DIAPH3: variants seen among roughly 807,000 people sequenced by gnomAD.
DIAPH3 encodes diaphanous related formin 3.
In DIAPH3, 117 loss-of-function variants were observed where a neutral mutation model predicts 144.3. The observed-to-expected ratio is 0.81, with a 90% CI of 0.70 to 0.95. The LOEUF is 0.95. Ranked by LOEUF, DIAPH3 falls within the 40% of genes least tolerant of loss-of-function variation. The pLI is 0.00. For synonymous variants in DIAPH3, 519 were observed against 488.9 expected, an observed-to-expected ratio of 1.06 and a Z score of -0.81; for missense variants, 1,421 against 1,412.7, an observed-to-expected ratio of 1.01 and a Z score of -0.09.
chr13:59,748,040 G>A (rs1206689429), intron 27 of DIAPH3, among the ~76,000 whole-genome samples: 3 of 152,214 alleles, frequency 2.0e-5, no homozygotes, highest in Non-Finnish European at 4.4e-5. Context: ...AATAAGATAA[G>A]TGGTTGCAGG....
At chr13:60,088,998 C>G (rs933319960) in intron 4 of DIAPH3, among the ~76,000 whole-genome samples, 5 of 152,136 alleles carry the variant, frequency 3.3e-5, no homozygotes, top group Non-Finnish European at 7.4e-5. Context: ...AGATTTAGAT[C>G]AATAAGAATC....
chr13:59,992,398 T>C (rs1338210438), intron 10 of DIAPH3, 75 bp downstream of exon 10: 1 of 1,261,694 alleles, frequency 7.9e-7, no homozygotes, highest in Non-Finnish European at 1.1e-6. Context: ...TTCTTCAAGG[T>C]AATTTATCTA....
chr13:59,961,319 C>T (rs976286929), intron 17 of DIAPH3, among the ~76,000 whole-genome samples: 3 of 152,172 alleles, frequency 2.0e-5, no homozygotes, highest in African/African-American at 7.2e-5. Flanking sequence ...ACAATAACCT[C>T]ATGATATGGG....
chr13:59,944,072 G>A (rs1182094569), intron 17 of DIAPH3, among the ~76,000 whole-genome samples: 1 of 151,856 alleles, frequency 6.6e-6, no homozygotes, highest in African/African-American at 2.4e-5. Flanking sequence ...AAATTAGCTG[G>A]GCATACTAAC....
chr13:59,914,050 TAATA>T lies in DIAPH3; in HGVS notation c.2265+2101_2265+2104del, dbSNP rs1335571861. On this transcript the variant is annotated intron_variant, in intron 19 of 27. Transcript: ENST00000400324. Reference sequence around the variant, plus strand: ...AAAATAAAGTATATGAAAAATGAATTAATAAATGACTGATGTGACAAACAAAGGT... The same window carrying T: ...AAAATAAAGTATATGAAAAATGAATTAATGACTGATGTGACAAACAAAGGT... Among the ~76,000 whole-genome samples the T allele has an allele frequency of 1.8e-4, 28 of 152,058 alleles. No homozygotes were observed. In the East Asian group the frequency reaches 5.0e-3, roughly 27 times the overall value.
intron 5 of DIAPH3, among the ~76,000 whole-genome samples, chr13:60,031,691 GC>G (rs1239316100): frequency 3.5e-5 from 5 of 143,564 alleles, no homozygotes; most frequent in African/African-American, 7.7e-5. Context: ...GGGGCTACAG[GC>G]CCTAAGCAAG....
intron 9 of DIAPH3, among the ~76,000 whole-genome samples, chr13:59,999,909 C>CA (rs1283838677): frequency 1.3e-5 from 2 of 152,138 alleles, no homozygotes; most frequent in African/African-American, 4.8e-5. Context: ...TTTCACAATG[C>CA]AAGTTTCAAC....
intron 24 of DIAPH3, among the ~76,000 whole-genome samples, chr13:59,818,376 T>G (rs1465923105): frequency 6.6e-6 from 1 of 151,980 alleles, no homozygotes; most frequent in African/African-American, 2.4e-5. Flanking sequence ...CATTTATGTT[T>G]GTGCATCACT....
intron 9 of DIAPH3, among the ~76,000 whole-genome samples, chr13:60,006,567 C>G (rs897918914): frequency 1.4e-4 from 22 of 152,044 alleles, no homozygotes; most frequent in African/African-American, 5.1e-4. Flanking sequence ...GAAACTTGTT[C>G]AAAGCACCAG....
intron 14 of DIAPH3, among the ~76,000 whole-genome samples, chr13:59,976,846 T>C (rs2050704292): frequency 6.6e-6 from 1 of 151,754 alleles, no homozygotes; most frequent in African/African-American, 2.4e-5. Context: ...TCCAACCACT[T>C]AATGAAAACT....
chr13:60,121,449 C>G (rs1316722803), intron 2 of DIAPH3, among the ~76,000 whole-genome samples: 1 of 152,032 alleles, frequency 6.6e-6, no homozygotes, highest in African/African-American at 2.4e-5. Flanking sequence ...AGTTCCAATG[C>G]CTTCAGTGAA....
chr13:59,970,138 T>C, intron 16 of DIAPH3, 80 bp from the exon 17 acceptor site: 1 of 670,844 alleles, frequency 1.5e-6, no homozygotes. Context: ...ATACACTGAG[T>C]ATCATAGCTG....
chr13:60,016,040 T>C (rs1378648572), intron 6 of DIAPH3, 31 bp downstream of exon 6: 1 of 1,610,314 alleles, frequency 6.2e-7, no homozygotes, highest in Non-Finnish European at 8.5e-7. Context: ...TGAATGATGC[T>C]TACTTGAAAA....
chr13:60,159,944 G>A lies in DIAPH3; in HGVS notation c.180+3643C>T, dbSNP rs9570263. 2.6e-5 allele frequency among the ~76,000 whole-genome samples: 4 copies of A among 152,210 alleles called. No homozygotes were observed. In the East Asian group the frequency reaches 5.8e-4, roughly 22 times the overall value. On this transcript the variant is annotated intron_variant, in intron 1 of 27. Transcript: ENST00000400324. The stretch of plus-strand genomic sequence containing the variant: ...GACAAGGTGAAAAAATCTCAAAACC[G>A]GCCAGGCGCGGTGGCTCACGCCTGT...
At chr13:59,960,494 C>G (rs186586310) in intron 17 of DIAPH3, among the ~76,000 whole-genome samples, 1 of 152,122 alleles carries the variant, frequency 6.6e-6, no homozygotes, top group Admixed American at 6.5e-5. Flanking sequence ...AGAGTTATCA[C>G]GCCTCCTGCA....
At chr13:59,787,807 T>C (rs1483490511) in intron 25 of DIAPH3, among the ~76,000 whole-genome samples, 1 of 152,106 alleles carries the variant, frequency 6.6e-6, no homozygotes, top group East Asian at 1.9e-4. Flanking sequence ...GTGATGATAT[T>C]AGGAGAAAGG....
At chr13:59,992,936 C>T (rs2051935660) in intron 9 of DIAPH3, among the ~76,000 whole-genome samples, 1 of 150,586 alleles carries the variant, frequency 6.6e-6, no homozygotes, top group South Asian at 2.1e-4. Context: ...TTGAACATAT[C>T]CAATATACCT....
chr13:60,035,264 AT>A (rs2055126032), intron 5 of DIAPH3, among the ~76,000 whole-genome samples: 1 of 152,180 alleles, frequency 6.6e-6, no homozygotes, highest in African/African-American at 2.4e-5. Flanking sequence ...TTAACCCTGT[AT>A]TCAAAGCCAA....
chr13:60,113,129 T>A (rs1389557383), intron 2 of DIAPH3, among the ~76,000 whole-genome samples: 1 of 152,196 alleles, frequency 6.6e-6, no homozygotes, highest in Admixed American at 6.5e-5. Context: ...CCTGTACTAT[T>A]CATTATGGTA....
Sources: gnomAD v4.1 joint callset for allele counts (sites outside exome capture counted in the v4.1 genomes callset) on GRCh38, gnomAD v4.1.1 for gene constraint, MANE v1.5 for transcripts, NCBI Gene and HGNC (gene_info 2026-07-23, HGNC 2026-07-21) for gene names.